Variants in FGF14 observed in about 807,000 individuals in gnomAD.
FGF14 encodes the protein fibroblast growth factor 14.
A neutral mutation model predicts 25.5 loss-of-function variants in FGF14; 5 were observed. The observed-to-expected ratio is 0.20, with a 90% confidence interval of 0.10 to 0.41. The LOEUF (loss-of-function observed/expected upper bound fraction) is 0.41. Ranked by LOEUF, FGF14 falls within the 10% of genes least tolerant of loss-of-function variation. The pLI is 1.00. For synonymous variants in FGF14, 138 were observed against 118.3 expected, an observed-to-expected ratio of 1.17 and a Z score of -1.08; for missense variants, 222 against 320.1, an observed-to-expected ratio of 0.69 and a Z score of 2.34.
At chr13:101,783,759 T>C (rs1475379691) in intron 3 of FGF14, among the ~76,000 whole-genome samples, 1 of 152,198 alleles carries the variant, frequency 6.6e-6, no homozygotes, top group Non-Finnish European at 1.5e-5. Context: ...TTTGTTGACA[T>C]TGCCCTAAAT....
chr13:101,787,558 T>C (rs1322708639), intron 3 of FGF14, among the ~76,000 whole-genome samples: 1 of 152,184 alleles, frequency 6.6e-6, no homozygotes, highest in Non-Finnish European at 1.5e-5. Context: ...CCTCAACGCA[T>C]AACCCTACAT....
chr13:102,233,228 G>A (rs890762687), intron 1 of FGF14, among the ~76,000 whole-genome samples: 2 of 152,174 alleles, frequency 1.3e-5, no homozygotes, highest in East Asian at 3.9e-4. Flanking sequence ...TCCGCCTCCT[G>A]GGTTCAAGCG....
At position 102,039,424 on chromosome 13, in the gene FGF14, C is replaced by T. The variant is rs557522511; in HGVS notation, c.209-164128G>A. On this transcript the variant is annotated intron_variant, in intron 1 of 4. Transcript: ENST00000376131. ...AGCAGGCATTCATTGTTTCATAGTTCTGGGCGGTAGAAGCCAAAATCAAGG... is the reference window on the plus strand; with the variant it reads ...AGCAGGCATTCATTGTTTCATAGTTTTGGGCGGTAGAAGCCAAAATCAAGG... 4.6e-5 allele frequency among the ~76,000 whole-genome samples: 7 copies of T among 152,212 alleles called. No homozygotes were observed. The East Asian group carries it at 9.7e-4, about 21-fold the overall frequency.
In FGF14 at chr13:101,916,718, CGG is replaced by C. The variant is rs2033544993; in HGVS notation, c.-75_-74del. ...GAGCCGGGGGCACCGGAGGGGAAGG[CGG>C]CGGCGCAGACCGTGGCTCGCCCTCG... On this transcript the variant is annotated 5_prime_UTR_variant, in exon 1 of 5. Transcript: ENST00000376143. 35 of 1,341,496 alleles carry C rather than the reference CGG, an allele frequency of 2.6e-5. No individual in the cohort carries two copies. The highest frequency in any genetic ancestry group is 3.4e-5 in the Non-Finnish European group (34 of 1,011,160). The allele number at this position is 1,341,496 out of a possible 1,614,324, so 83.1% of individuals were successfully genotyped here.
At chr13:102,267,261 T>G (rs1458134978) in intron 1 of FGF14, among the ~76,000 whole-genome samples, 1 of 152,190 alleles carries the variant, frequency 6.6e-6, no homozygotes, top group African/African-American at 2.4e-5. Context: ...AGCTTCTCAA[T>G]GAAGGGACCT....
At chr13:101,834,290 T>C (rs1405310987) in intron 3 of FGF14, among the ~76,000 whole-genome samples, 2 of 152,040 alleles carry the variant, frequency 1.3e-5, no homozygotes, top group African/African-American at 4.8e-5. Flanking sequence ...ATCAAAACAT[T>C]GTTGTAATCT....
intron 1 of FGF14, among the ~76,000 whole-genome samples, chr13:101,956,013 A>T (rs1032611370): frequency 5.3e-5 from 8 of 152,244 alleles, no homozygotes; most frequent in Admixed American, 2.0e-4. Flanking sequence ...AAGTTGGTTC[A>T]CTGGTGAAGA....
At chr13:102,373,111 C>G (rs929019047) in intron 1 of FGF14, among the ~76,000 whole-genome samples, 3 of 152,088 alleles carry the variant, frequency 2.0e-5, no homozygotes, top group Non-Finnish European at 4.4e-5. Context: ...CTCAAAAGAG[C>G]TGTCATACAG....
chr13:102,304,746 C>T (rs1171409397), intron 1 of FGF14, among the ~76,000 whole-genome samples: 2 of 152,194 alleles, frequency 1.3e-5, no homozygotes, highest in Non-Finnish European at 2.9e-5. Flanking sequence ...TAGTGAAGAA[C>T]TGAGGCCTCC....
intron 1 of FGF14, among the ~76,000 whole-genome samples, chr13:102,365,878 T>A (rs953182121): frequency 1.3e-5 from 2 of 152,220 alleles, no homozygotes; most frequent in African/African-American, 2.4e-5. Context: ...ATAGTCACTA[T>A]TTCCCTGACT....
At chr13:101,911,399 A>T (rs1348250823) in intron 1 of FGF14, among the ~76,000 whole-genome samples, 2 of 152,180 alleles carry the variant, frequency 1.3e-5, no homozygotes, top group East Asian at 1.9e-4. Flanking sequence ...AACTCAACTC[A>T]ATCTATGGAT....
At chr13:102,186,973 T>G (rs894690525) in intron 1 of FGF14, among the ~76,000 whole-genome samples, 2 of 151,984 alleles carry the variant, frequency 1.3e-5, no homozygotes, top group Admixed American at 6.6e-5. Context: ...ACATAATCCA[T>G]GGAAAACATA....
chr13:102,157,544 C>T (rs2047403213), intron 1 of FGF14, among the ~76,000 whole-genome samples: 1 of 152,214 alleles, frequency 6.6e-6, no homozygotes, highest in South Asian at 2.1e-4. Context: ...AGATCTAAAA[C>T]CATAAAAACC....
At chr13:101,780,244 T>G (rs1211512278) in intron 3 of FGF14, among the ~76,000 whole-genome samples, 1 of 152,206 alleles carries the variant, frequency 6.6e-6, no homozygotes, top group Admixed American at 6.5e-5. Context: ...GGAAACAAGT[T>G]GTAAAATACT....
intron 1 of FGF14, among the ~76,000 whole-genome samples, chr13:102,265,410 G>T (rs1018741766): frequency 6.6e-6 from 1 of 152,074 alleles, no homozygotes; most frequent in Non-Finnish European, 1.5e-5. Context: ...ATCTCCATCA[G>T]ACTTGGTGAA....
intron 1 of FGF14, among the ~76,000 whole-genome samples, chr13:101,948,471 ATAT>A (rs1566479997): frequency 1.5e-5 from 2 of 133,488 alleles, no homozygotes; most frequent in African/African-American, 5.5e-5. Flanking sequence ...TAATAAAAAA[ATAT>A]ATATATATAT....
In FGF14 at chr13:102,114,294, T is replaced by C. The variant is rs142040436; in HGVS notation, c.209-238998A>G. Among the ~76,000 whole-genome samples, 690 of 152,318 alleles carry C rather than the reference T, an allele frequency of 4.5e-3. 13 individuals are homozygous for C. Among genetic ancestry groups the C allele is most frequent in the African/African-American group, 0.016 (652 of 41,564 alleles). ...ACTATTGAGTTGTAGGAATTTCTTA[T>C]ATATTTTAGAGATCAACCCTTTATC... On this transcript the variant is annotated intron_variant, in intron 1 of 4. Transcript: ENST00000376131.
At chr13:102,044,139 C>G (rs1380768689) in intron 1 of FGF14, among the ~76,000 whole-genome samples, 1 of 152,220 alleles carries the variant, frequency 6.6e-6, no homozygotes, top group Non-Finnish European at 1.5e-5. Flanking sequence ...TCCACTTCAT[C>G]TCACCTGGGG....
At chr13:102,276,141 T>C (rs118136171) in intron 1 of FGF14, among the ~76,000 whole-genome samples, 5 of 151,772 alleles carry the variant, frequency 3.3e-5, no homozygotes, top group Non-Finnish European at 7.4e-5. Flanking sequence ...ATTAGTTAAG[T>C]AGAGACTCAA....
Sources: gnomAD v4.1 joint callset for allele counts (sites outside exome capture counted in the v4.1 genomes callset) on GRCh38, gnomAD v4.1.1 for gene constraint, MANE v1.5 for transcripts, NCBI Gene and HGNC (gene_info 2026-07-23, HGNC 2026-07-21) for gene names.